The following SLC24A3 variants were observed in gnomAD, a reference collection of about 807,000 sequenced individuals.
SLC24A3 encodes sodium/potassium/calcium exchanger 3.
A neutral mutation model predicts 75.8 loss-of-function variants in SLC24A3; 28 were observed. The ratio of observed to expected loss-of-function variants is 0.37; its 90% CI spans 0.27 to 0.51. The LOEUF (loss-of-function observed/expected upper bound fraction) is 0.51, where lower values mean the gene tolerates loss of function less well. Among genes scored for constraint, SLC24A3 ranks in the 20% least tolerant of loss-of-function variants. The pLI, the probability that SLC24A3 is intolerant of heterozygous loss-of-function variation, is 0.94. For missense variants in SLC24A3, 663 were observed against 847.8 expected (o/e 0.78, Z 2.71); for synonymous variants, 372 against 334.1 (o/e 1.11, Z -1.24).
intron 6 of SLC24A3, among the ~76,000 whole-genome samples, chr20:19,651,987 T>C (rs1309604536): frequency 2.0e-5 from 3 of 152,192 alleles, no homozygotes; most frequent in Non-Finnish European, 4.4e-5. Context: ...GGATCTCTTA[T>C]TTTCTATTAA....
chr20:19,315,521 A>G lies in SLC24A3; in HGVS notation c.271+34434A>G, dbSNP rs1984566846. On this transcript the variant is annotated intron_variant, in intron 2 of 16. Coordinates refer to ENST00000328041, the MANE Select transcript of SLC24A3 (RefSeq NM_020689.4). ...AGTCTTAGAAAGCTAAGTGGGTTAT[A>G]TGGCTGGGGGCAGATCCCTGAACCT... 2.0e-5 allele frequency among the ~76,000 whole-genome samples: 3 copies of G among 152,170 alleles called. No individual in the cohort carries two copies. In the South Asian group the frequency reaches 6.2e-4, roughly 32 times the overall value.
Position 19,317,147 on chromosome 20 carries a change from T to C in SLC24A3, c.271+36060T>C, listed in dbSNP as rs114414531. On this transcript the variant is annotated intron_variant, in intron 2 of 16. Transcript: ENST00000328041. ...AAAATTAAAAACTGGACTCCTTCCT[T>C]ACACCATGTACAAAAATCAATTCCA... 2.9e-3 allele frequency among the ~76,000 whole-genome samples: 435 copies of C among 152,306 alleles called. 3 individuals are homozygous for C. Among genetic ancestry groups the C allele is most frequent in the African/African-American group, 9.6e-3 (401 of 41,580 alleles).
chr20:19,499,727 C>T (rs528424740), intron 2 of SLC24A3, among the ~76,000 whole-genome samples: 3 of 152,316 alleles, frequency 2.0e-5, no homozygotes, highest in Non-Finnish European at 4.4e-5. Flanking sequence ...CCATTACACA[C>T]ATACACCTAG....
chr20:19,502,186 C>T (rs915661222), intron 2 of SLC24A3, among the ~76,000 whole-genome samples: 5 of 152,034 alleles, frequency 3.3e-5, no homozygotes, highest in Admixed American at 6.6e-5. Context: ...CAGTCTTACT[C>T]GGTTGAGGCA....
chr20:19,271,243 A>C (rs752975547), intron 1 of SLC24A3, among the ~76,000 whole-genome samples: 1 of 152,076 alleles, frequency 6.6e-6, no homozygotes, highest in Non-Finnish European at 1.5e-5. Context: ...GGGAATGTCA[A>C]CCTCACTAAT....
At chr20:19,491,619 C>G (rs1348613713) in intron 2 of SLC24A3, among the ~76,000 whole-genome samples, 1 of 152,194 alleles carries the variant, frequency 6.6e-6, no homozygotes. Flanking sequence ...CTCTACCCTC[C>G]TGCTCATGTG....
chr20:19,296,965 C>A (rs1984075984), intron 2 of SLC24A3, among the ~76,000 whole-genome samples: 1 of 152,142 alleles, frequency 6.6e-6, no homozygotes, highest in Non-Finnish European at 1.5e-5. Flanking sequence ...AGATACAGAA[C>A]CCATGAATAC....
At chr20:19,446,267 T>G (rs968683227) in intron 2 of SLC24A3, among the ~76,000 whole-genome samples, 14 of 152,348 alleles carry the variant, frequency 9.2e-5, no homozygotes, top group Non-Finnish European at 2.1e-4. Context: ...CACGAGAGGT[T>G]GAAAGCAAGC....
At chr20:19,336,708 C>T (rs1985144601) in intron 2 of SLC24A3, among the ~76,000 whole-genome samples, 1 of 140,580 alleles carries the variant, frequency 7.1e-6, no homozygotes, top group Non-Finnish European at 1.6e-5. Flanking sequence ...CCACCCCCCA[C>T]CCCCTCCTGC....
intron 3 of SLC24A3, among the ~76,000 whole-genome samples, chr20:19,570,042 C>T (rs906271646): frequency 6.6e-6 from 1 of 152,176 alleles, no homozygotes; most frequent in Non-Finnish European, 1.5e-5. Context: ...GCTGTAAAGA[C>T]CTACCTGTCA....
chr20:19,670,897 G>T (rs1005286330), intron 8 of SLC24A3, among the ~76,000 whole-genome samples: 1 of 152,164 alleles, frequency 6.6e-6, no homozygotes, highest in Admixed American at 6.5e-5. Flanking sequence ...GTCTGCGTGG[G>T]GAGAAATCAG....
chr20:19,574,592 G>A (rs1044508115), intron 3 of SLC24A3, among the ~76,000 whole-genome samples: 1 of 152,176 alleles, frequency 6.6e-6, no homozygotes, highest in Non-Finnish European at 1.5e-5. Context: ...TGACCTGTCT[G>A]TACCCTGCAT....
intron 1 of SLC24A3, among the ~76,000 whole-genome samples, chr20:19,235,779 G>T (rs544341146): frequency 6.6e-6 from 1 of 152,290 alleles, no homozygotes; most frequent in South Asian, 2.1e-4. Context: ...CCATTCATAT[G>T]TCCCAGTTTC....
chr20:19,429,680 A>G (rs1470225514), intron 2 of SLC24A3, among the ~76,000 whole-genome samples: 1 of 152,168 alleles, frequency 6.6e-6, no homozygotes, highest in Non-Finnish European at 1.5e-5. Context: ...ATGATCTGCT[A>G]AATAAATAAT....
At chr20:19,226,355 C>G (rs1486271882) in intron 1 of SLC24A3, among the ~76,000 whole-genome samples, 1 of 152,126 alleles carries the variant, frequency 6.6e-6, no homozygotes, top group Non-Finnish European at 1.5e-5. Flanking sequence ...TAGGATCACA[C>G]AAGATACGGA....
chr20:19,637,585 A>G (rs1367059757), intron 6 of SLC24A3, among the ~76,000 whole-genome samples: 1 of 152,246 alleles, frequency 6.6e-6, no homozygotes, highest in Non-Finnish European at 1.5e-5. Flanking sequence ...ATATTCGCGT[A>G]CTGGTAGTAA....
chr20:19,214,581 A>G (rs1393530064), intron 1 of SLC24A3, among the ~76,000 whole-genome samples: 1 of 152,144 alleles, frequency 6.6e-6, no homozygotes, highest in Non-Finnish European at 1.5e-5. Context: ...CAAGAATATA[A>G]AAGACATTTT....
At chr20:19,656,157 C>G (rs2032263254) in intron 7 of SLC24A3, among the ~76,000 whole-genome samples, 1 of 152,166 alleles carries the variant, frequency 6.6e-6, no homozygotes, top group Non-Finnish European at 1.5e-5. Flanking sequence ...CCCTGCGGAA[C>G]CAGACAGGTA....
intron 2 of SLC24A3, among the ~76,000 whole-genome samples, chr20:19,471,932 C>A (rs1250652759): frequency 6.6e-6 from 1 of 152,224 alleles, no homozygotes; most frequent in African/African-American, 2.4e-5. Context: ...CAAATCTCTG[C>A]ATGACAGAGA....
Sources: allele counts gnomAD v4.1 joint callset (sites outside exome capture counted in the v4.1 genomes callset), GRCh38; gene constraint gnomAD v4.1.1; transcripts MANE v1.5; gene names NCBI Gene and HGNC (gene_info 2026-07-23, HGNC 2026-07-21).